RASA1: variants seen among roughly 807,000 people sequenced by gnomAD.
RASA1 encodes the protein RAS p21 protein activator 1, also known as ras GTPase-activating protein 1.
RASA1 carries 25 observed loss-of-function variants against 132.2 expected under a neutral mutation model. The ratio of observed to expected loss-of-function variants is 0.19; its 90% CI spans 0.14 to 0.26. The LOEUF is 0.26. RASA1 is among the 10% of genes least tolerant of loss of function. RASA1 has a pLI of 1.00. For synonymous variants in RASA1, 477 were observed against 449.9 expected (o/e 1.06, Z -0.76); for missense variants, 964 against 1,299.2 (o/e 0.74, Z 3.97).
intron 9 of RASA1, among the ~76,000 whole-genome samples, chr5:87,357,331 C>T (rs1759727119): frequency 6.6e-6 from 1 of 151,964 alleles, no homozygotes; most frequent in African/African-American, 2.4e-5. Context: ...ATCAGAGGTG[C>T]CTTTGCCTCC....
intron 12 of RASA1, among the ~76,000 whole-genome samples, chr5:87,371,375 C>A (rs1760927837): frequency 6.6e-6 from 1 of 151,894 alleles, no homozygotes; most frequent in Non-Finnish European, 1.5e-5. Context: ...ATTGAAATAG[C>A]CAACAAACTA....
chr5:87,320,053 C>A (rs182232692), intron 1 of RASA1, among the ~76,000 whole-genome samples: 3 of 152,308 alleles, frequency 2.0e-5, no homozygotes, highest in African/African-American at 7.2e-5. Flanking sequence ...ATCTCTAGGG[C>A]AGGGGCACAA....
chr5:87,274,916 A>C (rs1221759699), intron 1 of RASA1, among the ~76,000 whole-genome samples: 2 of 152,200 alleles, frequency 1.3e-5, no homozygotes, highest in Non-Finnish European at 2.9e-5. Flanking sequence ...CAGAACTTTT[A>C]GTTACCTGTG....
chr5:87,386,809 A>G lies in RASA1; in HGVS notation c.2848-17A>G, dbSNP rs1317858746. 3 of 1,607,114 alleles carry G rather than the reference A, an allele frequency of 1.9e-6. No individual in the cohort carries two copies. Among genetic ancestry groups the G allele is most frequent in the Non-Finnish European group, 2.6e-6 (3 of 1,174,048 alleles). On this transcript the variant is annotated splice_polypyrimidine_tract_variant and intron_variant, in intron 22 of 24. Transcript: ENST00000274376. The stretch of plus-strand genomic sequence containing the variant: ...GTTTGTTTCTGGTGCATATAACAGA[A>G]GCATTTTATTTTTCAGGAGCCCTAC...
chr5:87,317,018 GATTACAGGCGTGTGCCACT>G (rs1196950525), intron 1 of RASA1, among the ~76,000 whole-genome samples: 1 of 152,092 alleles, frequency 6.6e-6, no homozygotes, highest in Non-Finnish European at 1.5e-5. Context: ...GAGTAGCTGG[GATTACAGGCGTGTGCCACT>G]ACACCCAGCT....
chr5:87,307,827 G>A (rs773690226), intron 1 of RASA1, among the ~76,000 whole-genome samples: 3 of 151,546 alleles, frequency 2.0e-5, no homozygotes, highest in African/African-American at 4.8e-5. Context: ...ATACTCTCTC[G>A]GCGTGCGTTA....
chr5:87,286,956 TACCATATATAC>T (rs1235088322), intron 1 of RASA1, among the ~76,000 whole-genome samples: 5 of 146,514 alleles, frequency 3.4e-5, no homozygotes, highest in African/African-American at 1.3e-4. Context: ...TATATATACA[TACCATATATAC>T]ACCATATATA....
chr5:87,328,510 G>C (rs963429795), intron 1 of RASA1, among the ~76,000 whole-genome samples: 7 of 152,112 alleles, frequency 4.6e-5, no homozygotes, highest in African/African-American at 1.7e-4. Flanking sequence ...TAAAAATTGA[G>C]TATTTTAGAC....
At position 87,287,175 on chromosome 5, in the gene RASA1, CAT is replaced by C. The variant is rs527827202; in HGVS notation, c.539+18195_539+18196del. ...ATATATACACTGTATATATACACAC[CAT>C]ATATATATACACACCGTATATACAC... On this transcript the variant is annotated intron_variant, in intron 1 of 24. Transcript: ENST00000274376. 3.4e-3 allele frequency among the ~76,000 whole-genome samples: 467 copies of C among 138,874 alleles called. 4 individuals are homozygous for C. Among genetic ancestry groups the C allele is most frequent in the Middle Eastern group, 6.7e-3 (1 of 150 alleles). The allele number at this position is 138,874 out of a possible 152,430, so 91.1% of individuals were successfully genotyped here. A position where few individuals can be genotyped will look rare whatever the true frequency, so the allele number is the denominator to read the frequency against.
chr5:87,385,442 G>C (rs898166421), intron 22 of RASA1, 53 bp downstream of exon 22: 7 of 1,333,892 alleles, frequency 5.2e-6, no homozygotes, highest in Non-Finnish European at 7.5e-6. Context: ...AGTTTGACAT[G>C]ATAAAACCAT....
intron 1 of RASA1, among the ~76,000 whole-genome samples, chr5:87,290,434 G>C (rs927303489): frequency 6.6e-6 from 1 of 152,162 alleles, no homozygotes; most frequent in Admixed American, 6.5e-5. Flanking sequence ...TTTTCCCACT[G>C]TTGACATCCA....
rs1172177023 is a variant in RASA1, at chr5:87,380,424, AT to A, written c.2604-82del. On this transcript the variant is annotated intron_variant, in intron 19 of 24. Transcript: ENST00000274376. Reference sequence around the variant, plus strand: ...GGCCAGTTTTATTGAACTGTGGTATATTTGGGTAAATTAAGCTTTTGGCTGC... The same window carrying A: ...GGCCAGTTTTATTGAACTGTGGTATATTGGGTAAATTAAGCTTTTGGCTGC... 10 of 1,207,702 alleles carry A rather than the reference AT, an allele frequency of 8.3e-6. No homozygotes were observed. The African/African-American group carries it at 1.5e-4, about 18-fold the overall frequency. The allele number at this position is 1,207,702 out of a possible 1,614,324, so 74.8% of individuals were successfully genotyped here.
chr5:87,267,913 T>A lies in RASA1; in HGVS notation c.-539T>A, dbSNP rs1479451468. 3.1e-5 allele frequency: 12 copies of A among 392,282 alleles called. No homozygotes were observed. The highest frequency in any genetic ancestry group is 4.5e-5 in the Non-Finnish European group (10 of 223,288). 24.3% of individuals were successfully genotyped at this position (392,282 alleles called of 1,614,324 possible). On this transcript the variant is annotated 5_prime_UTR_variant, in exon 1 of 25. Transcript: ENST00000274376. ...CTGAGAGCTCCAGGTAGTGAGCAGT[T>A]CAGTCGATTTCCTCGTTACCCCGCC...
intron 11 of RASA1, among the ~76,000 whole-genome samples, chr5:87,367,673 G>C (rs1760625985): frequency 6.6e-6 from 1 of 152,164 alleles, no homozygotes; most frequent in Admixed American, 6.5e-5. Flanking sequence ...TATCCATGTG[G>C]TAATTAATTT....
At chr5:87,387,309 A>G (rs1002944595) in intron 23 of RASA1, among the ~76,000 whole-genome samples, 1 of 152,146 alleles carries the variant, frequency 6.6e-6, no homozygotes, top group Admixed American at 6.5e-5. Context: ...AGTAGACTGA[A>G]AAGTCTTCTT....
intron 8 of RASA1, among the ~76,000 whole-genome samples, chr5:87,349,724 A>G (rs1389284544): frequency 6.6e-6 from 1 of 151,940 alleles, no homozygotes; most frequent in Admixed American, 6.6e-5. Context: ...AGTAGGAAAA[A>G]AAAAGTTTCT....
intron 1 of RASA1, among the ~76,000 whole-genome samples, chr5:87,295,216 A>C (rs1755067224): frequency 6.6e-6 from 1 of 151,894 alleles, no homozygotes; most frequent in Non-Finnish European, 1.5e-5. Context: ...CTTTGCTTTT[A>C]ATCTGTATGT....
intron 13 of RASA1, among the ~76,000 whole-genome samples, chr5:87,372,788 C>T (rs1200412828): frequency 6.6e-6 from 1 of 152,064 alleles, no homozygotes; most frequent in Admixed American, 6.6e-5. Flanking sequence ...CAAATTTTGA[C>T]ATTCTCAAGG....
chr5:87,299,142 A>G (rs1192321071), intron 1 of RASA1, among the ~76,000 whole-genome samples: 1 of 152,214 alleles, frequency 6.6e-6, no homozygotes, highest in Non-Finnish European at 1.5e-5. Flanking sequence ...CAGGAGTCCT[A>G]TGAGTCATTA....
Sources: allele counts gnomAD v4.1 joint callset (sites outside exome capture counted in the v4.1 genomes callset), GRCh38; gene constraint gnomAD v4.1.1; transcripts MANE v1.5; gene names NCBI Gene and HGNC (gene_info 2026-07-23, HGNC 2026-07-21).